Variants in UVSSA observed in about 807,000 individuals in gnomAD.
UVSSA encodes UV stimulated scaffold protein A, also known as UV-stimulated scaffold protein A.
In UVSSA, 72 loss-of-function variants were observed where a neutral mutation model predicts 73.9. The ratio of observed to expected loss-of-function variants is 0.97; its 90% CI spans 0.81 to 1.19. The LOEUF (loss-of-function observed/expected upper bound fraction) is 1.19, where lower values mean the gene tolerates loss of function less well. Ranked by LOEUF, UVSSA falls within the 50% of genes most tolerant of loss-of-function variation. The pLI is 0.00. For missense variants in UVSSA, 1,150 were observed against 965.0 expected (o/e 1.19, Z -2.54); for synonymous variants, 454 against 391.3 (o/e 1.16, Z -1.89).
At chr4:1,377,660 C>T (rs556269681) in intron 10 of UVSSA, among the ~76,000 whole-genome samples, 1 of 151,972 alleles carries the variant, frequency 6.6e-6, no homozygotes, top group South Asian at 2.1e-4. Flanking sequence ...TTGCCCTGAG[C>T]CCCCAGGCAG....
rs148359793 is a variant in UVSSA, at chr4:1,383,891, G to A, written c.1987G>A (p.Ala663Thr). ...GTACCCCAGCCTCACCAACCTGAAG[G>A]CTCAGGCTGATACCGCCCGCGCTCG... ...RRYPSLTNLK[A>T]QADTARARIG... Residue 663 changes from alanine (A) to threonine (T), a missense_variant, in exon 13 of 14, where the codon GCT becomes ACT. Ala to Thr is a moderately conservative substitution (Grantham distance 58). Transcript: ENST00000389851. 13 of 1,613,462 alleles carry A rather than the reference G, an allele frequency of 8.1e-6. No homozygotes were observed. The African/African-American group carries it at 1.6e-4, about 20-fold the overall frequency.
chr4:1,393,623 G>A (rs920778103), exon 14 of UVSSA: 1 of 146,224 alleles, frequency 6.8e-6, no homozygotes, highest in Non-Finnish European at 1.5e-5. Flanking sequence ...GATAGGATAA[G>A]ATAAGATAGA....
In UVSSA at chr4:1,380,048, TCTGA is replaced by T; in HGVS notation, c.1573_1576del (p.Asp525ProfsTer58). On this transcript the variant is annotated frameshift_variant and splice_region_variant, in exon 11 of 14. Coordinates refer to ENST00000389851, the MANE Select transcript of UVSSA (RefSeq NM_020894.4). LOFTEE classifies it high-confidence loss of function. ...GAGGGCCTCTGGCTGTGTCTGCAGG[TCTGA>T]CTCCCAGCACCGCTTCTGGAAGCCC... 1 of 1,602,376 alleles carries T rather than the reference TCTGA, an allele frequency of 6.2e-7. No homozygotes were observed. Among genetic ancestry groups the T allele is most frequent in the Non-Finnish European group, 8.5e-7 (1 of 1,174,526 alleles).
rs753049966 is a variant in UVSSA at position 1,348,075 on chromosome 4, C to T, written c.-2-15C>T. 1.3e-6 allele frequency: 2 copies of T among 1,594,456 alleles called. No individual in the cohort carries two copies. Among genetic ancestry groups the T allele is most frequent in the East Asian group, 2.2e-5 (1 of 44,792 alleles). Reference sequence around the variant, plus strand: ...ACAGATGGTGATATAGCATCTCTGCCTTACTTATTTCTAGATATGGATCAG... The same window carrying T: ...ACAGATGGTGATATAGCATCTCTGCTTTACTTATTTCTAGATATGGATCAG... On this transcript the variant is annotated splice_polypyrimidine_tract_variant and intron_variant, in intron 1 of 13. Transcript: ENST00000389851.
intron 8 of UVSSA, among the ~76,000 whole-genome samples, chr4:1,372,406 A>G (rs898725681): frequency 2.0e-5 from 3 of 152,068 alleles, no homozygotes; most frequent in African/African-American, 4.8e-5. Flanking sequence ...CCCACCATTT[A>G]TGTGCCCCGT....
At chr4:1,366,255 C>A in intron 7 of UVSSA, 65 bp from the exon 8 acceptor site, 2 of 1,295,914 alleles carry the variant, frequency 1.5e-6, no homozygotes, top group Non-Finnish European at 2.2e-6. Flanking sequence ...AGGGCTCTGC[C>A]CACCGGGAGC....
chr4:1,366,766 C>T (rs1717384419), intron 8 of UVSSA, among the ~76,000 whole-genome samples: 1 of 152,194 alleles, frequency 6.6e-6, no homozygotes, highest in African/African-American at 2.4e-5. Flanking sequence ...ACAGGGGCCA[C>T]CATCCTACCC....
intron 7 of UVSSA, among the ~76,000 whole-genome samples, chr4:1,360,040 G>A (rs1716392128): frequency 6.6e-6 from 1 of 152,252 alleles, no homozygotes; most frequent in Non-Finnish European, 1.5e-5. Context: ...AGGCAGGGGA[G>A]GAGGGACCTA....
At chr4:1,354,335 C>T (rs1315899487) in intron 5 of UVSSA, among the ~76,000 whole-genome samples, 2 of 91,500 alleles carry the variant, frequency 2.2e-5, no homozygotes, top group Non-Finnish European at 4.4e-5. Context: ...GAGGAGAGGC[C>T]GGGGGGGTGG....
chr4:1,393,403 G>A (rs1248357721), exon 14 of UVSSA: 1 of 152,040 alleles, frequency 6.6e-6, no homozygotes, highest in African/African-American at 2.4e-5. Flanking sequence ...TAAAGTACTT[G>A]TCTAAGCCGG....
At chr4:1,377,268 A>G (rs1718891580) in intron 10 of UVSSA, among the ~76,000 whole-genome samples, 2 of 152,130 alleles carry the variant, frequency 1.3e-5, no homozygotes, top group African/African-American at 2.4e-5. Flanking sequence ...GTCCTGGCAC[A>G]TTGTCCACAG....
At chr4:1,374,082 T>C (rs1718455689) in intron 8 of UVSSA, among the ~76,000 whole-genome samples, 1 of 152,168 alleles carries the variant, frequency 6.6e-6, no homozygotes, top group Admixed American at 6.5e-5. Flanking sequence ...TTTCCGTGGA[T>C]TCCGCCGGGG....
intron 8 of UVSSA, among the ~76,000 whole-genome samples, chr4:1,370,890 A>G (rs905927630): frequency 5.9e-5 from 9 of 151,872 alleles, no homozygotes; most frequent in Non-Finnish European, 5.9e-5. Context: ...TCGGTGGCTC[A>G]CTCCTTGATT....
At chr4:1,347,929 T>G in intron 1 of UVSSA, 161 bp from the exon 2 acceptor site, 1 of 648,706 alleles carries the variant, frequency 1.5e-6, no homozygotes, top group Non-Finnish European at 2.7e-6. Context: ...AAGGCCTTGC[T>G]GGACACACAT....
chr4:1,347,308 G>A lies in UVSSA; in HGVS notation c.-455G>A, dbSNP rs905428286. ...CGGGGCTCTGCGGGCGCCGGGCAGAGACCTGCGGCCAGGGCGTGTCCCGTG... is the reference window on the plus strand; with the variant it reads ...CGGGGCTCTGCGGGCGCCGGGCAGAAACCTGCGGCCAGGGCGTGTCCCGTG... On this transcript the variant is annotated 5_prime_UTR_variant, in exon 1 of 14. Coordinates refer to ENST00000389851, the MANE Select transcript of UVSSA (RefSeq NM_020894.4). 1 of 151,992 alleles carries A rather than the reference G, an allele frequency of 6.6e-6. No individual in the cohort carries two copies. The highest frequency in any genetic ancestry group is 1.5e-5 in the Non-Finnish European group (1 of 67,994). 9.4% of individuals were successfully genotyped at this position (151,992 alleles called of 1,614,324 possible). A position where few individuals can be genotyped will look rare whatever the true frequency, so the allele number is the denominator to read the frequency against.
chr4:1,361,807 G>A (rs1200281047), intron 7 of UVSSA, among the ~76,000 whole-genome samples: 1 of 151,396 alleles, frequency 6.6e-6, no homozygotes, highest in Admixed American at 6.6e-5. Flanking sequence ...GGCGCTGAAA[G>A]ACAAATGCAA....
In UVSSA at chr4:1,349,653, G is replaced by A. The variant is rs1301803560; in HGVS notation, c.228G>A (p.Arg76=). The change falls in exon 3 of 14, where the codon CGG becomes CGA. Residue 76 remains arginine, a synonymous_variant. Transcript: ENST00000389851. The part of the protein sequence containing the change: ...EELFVRSHQF[R]MLVVSNFQEF... ...TCTTCGTCAGGTCTCACCAGTTCCG[G>A]ATGCTGGTTGTTTCCAACTTCCAGG... The A allele has an allele frequency of 1.2e-6, 2 of 1,614,074 alleles. No homozygotes were observed. Among genetic ancestry groups the A allele is most frequent in the South Asian group, 2.2e-5 (2 of 91,082 alleles).
intron 7 of UVSSA, among the ~76,000 whole-genome samples, chr4:1,362,685 A>T (rs2109169766): frequency 6.6e-6 from 1 of 151,862 alleles, no homozygotes; most frequent in Non-Finnish European, 1.5e-5. Context: ...TCTGTCCCTC[A>T]CCTTGAGGGC....
upstream of UVSSA, among the ~76,000 whole-genome samples, chr4:1,346,312 C>A (rs1232148980): frequency 6.6e-6 from 1 of 152,212 alleles, no homozygotes; most frequent in Non-Finnish European, 1.5e-5. Context: ...CCGCCCTGCA[C>A]CCAGCCCCGG....
Sources: gnomAD v4.1 joint callset for allele counts (sites outside exome capture counted in the v4.1 genomes callset) on GRCh38, gnomAD v4.1.1 for gene constraint, MANE v1.5 for transcripts, NCBI Gene and HGNC (gene_info 2026-07-23, HGNC 2026-07-21) for gene names.